Variants in CCNH observed in about 807,000 individuals in gnomAD.
CCNH encodes cyclin H.
Under a neutral mutation model 41.9 loss-of-function variants are expected in CCNH, and 31 were observed. That is an observed-to-expected ratio of 0.74 (90% CI 0.56 to 1.00). The LOEUF is 1.00. Among genes scored for constraint, CCNH ranks in the 50% least tolerant of loss-of-function variants. The pLI is 0.00. For missense variants in CCNH, 362 were observed against 388.4 expected (o/e 0.93, Z 0.57); for synonymous variants, 138 against 136.1 (o/e 1.01, Z -0.10).
In CCNH at chr5:87,412,802, T is replaced by C; in HGVS notation, c.-8A>G. ...ACTACTGTTGTGGTACATTATGGAATCGTGACCAGGTCCAGAGGGTCTGCA... is the reference window on the plus strand; with the variant it reads ...ACTACTGTTGTGGTACATTATGGAACCGTGACCAGGTCCAGAGGGTCTGCA... On this transcript the variant is annotated 5_prime_UTR_variant, in exon 1 of 9. Coordinates refer to ENST00000256897, the MANE Select transcript of CCNH (RefSeq NM_001239.4). 6.2e-7 allele frequency: 1 copy of C among 1,613,758 alleles called. No homozygotes were observed.
intron 9 of CCNH, among the ~76,000 whole-genome samples, chr5:87,324,309 A>C (rs759438183): frequency 6.6e-6 from 1 of 152,080 alleles, no homozygotes; most frequent in Non-Finnish European, 1.5e-5. Context: ...CTCTCTTTCA[A>C]CATTTGATCA....
downstream of CCNH, among the ~76,000 whole-genome samples, chr5:87,390,445 C>T (rs1179180169): frequency 2.6e-5 from 4 of 151,014 alleles, no homozygotes; most frequent in South Asian, 4.2e-4. Context: ...CCGCAGCTTT[C>T]AAAACTAATA....
At chr5:87,348,410 T>A (rs16902631) in intron 9 of CCNH, among the ~76,000 whole-genome samples, 7,075 of 152,066 alleles carry the variant, frequency 0.047, 332 homozygotes, top group African/African-American at 0.12. Context: ...AGAGCATCTA[T>A]GTATTATGAG....
In CCNH at chr5:87,395,366, G is replaced by GA. The variant is rs1256757310; in HGVS notation, c.873-263dup. ...CTAACACTGACCTAGGAAAGAGTGT[G>GA]AAAAAATAGGAGCGAATATAAAAAA... On this transcript the variant is annotated intron_variant, in intron 7 of 8. Coordinates refer to ENST00000256897, the MANE Select transcript of CCNH (RefSeq NM_001239.4). Among the ~76,000 whole-genome samples the GA allele has an allele frequency of 4.0e-5, 6 of 151,682 alleles. No homozygotes were observed. In the East Asian group the frequency reaches 1.2e-3, roughly 30 times the overall value.
chr5:87,331,259 TA>T (rs778638852), intron 9 of CCNH: 137 of 1,351,530 alleles, frequency 1.0e-4, no homozygotes, highest in Non-Finnish European at 1.4e-5. Flanking sequence ...TGTAGGCATT[TA>T]AAACCTCTAG....
At chr5:87,399,198 C>G (rs765252217) in intron 7 of CCNH, among the ~76,000 whole-genome samples, 196 bp downstream of exon 7, 2 of 152,176 alleles carry the variant, frequency 1.3e-5, no homozygotes, top group Non-Finnish European at 2.9e-5. Context: ...ATATGAGTCA[C>G]AGCAGGATCA....
chr5:87,392,824 C>CTT (rs1762614391), downstream of CCNH: 1 of 154,630 alleles, frequency 6.5e-6, no homozygotes, highest in African/African-American at 2.4e-5. Context: ...ATCTCTCACA[C>CTT]TTTAACGTTT....
At chr5:87,349,753 T>A (rs557937676) in intron 9 of CCNH, among the ~76,000 whole-genome samples, 1 of 151,940 alleles carries the variant, frequency 6.6e-6, no homozygotes, top group African/African-American at 2.4e-5. Flanking sequence ...CTGAGACTTA[T>A]TATACAGATG....
rs1217399869 is a variant in CCNH at position 87,394,352 on chromosome 5, T to C, written c.*94A>G. On this transcript the variant is annotated 3_prime_UTR_variant, in exon 9 of 9. Transcript: ENST00000256897. ...AATAGAAAAGTTTTAATATATTTTA[T>C]GTTTTCACATTATACTTTTTAAATA... The C allele has an allele frequency of 2.7e-6, 4 of 1,491,448 alleles. No individual in the cohort carries two copies. The African/African-American group carries it at 4.3e-5, about 16-fold the overall frequency. The allele number at this position is 1,491,448 out of a possible 1,614,324, so 92.4% of individuals were successfully genotyped here.
At chr5:87,391,746 T>A (rs1298222928), downstream of CCNH, 4 of 232,482 alleles carry the variant, frequency 1.7e-5, no homozygotes, top group East Asian at 2.5e-4. Flanking sequence ...CCCCTTTGAT[T>A]ATGCAGACAA....
At chr5:87,337,657 T>G (rs1489417291) in intron 9 of CCNH, among the ~76,000 whole-genome samples, 1 of 152,126 alleles carries the variant, frequency 6.6e-6, no homozygotes, top group Non-Finnish European at 1.5e-5. Context: ...CCCCAAAACC[T>G]TCAATATATG....
Position 87,338,536 on chromosome 5 carries a change from A to ATATATATATATATATTTTTTT in CCNH, c.*91-19640_*91-19639insAAAAAAATATATATATATATA. 7.0e-5 allele frequency among the ~76,000 whole-genome samples: 6 copies of ATATATATATATATATTTTTTT among 85,214 alleles called. No individual in the cohort carries two copies. The East Asian group carries it at 1.5e-3, about 21-fold the overall frequency. 55.9% of individuals were successfully genotyped at this position (85,214 alleles called of 152,430 possible). A position where few individuals can be genotyped will look rare whatever the true frequency, so the allele number is the denominator to read the frequency against. ...ATATATATATATATATATATATAAAATTTTTTTTTTTTTTAAGTAGAAATG... is the reference window on the plus strand; with the variant it reads ...ATATATATATATATATATATATAAAATATATATATATATATTTTTTTTTTTTTTTTTTTTTAAGTAGAAATG... On this transcript the variant is annotated intron_variant and NMD_transcript_variant, in intron 9 of 9. Coordinates refer to the CCNH transcript ENST00000645953.
intron 9 of CCNH, chr5:87,331,439 C>T (rs757065933): frequency 4.3e-6 from 7 of 1,613,814 alleles, no homozygotes; most frequent in East Asian, 4.5e-5. Flanking sequence ...AGAGAGTGAT[C>T]GGAGGCCAGG....
chr5:87,333,043 T>G (rs911850106), intron 9 of CCNH, among the ~76,000 whole-genome samples: 1 of 152,268 alleles, frequency 6.6e-6, no homozygotes, highest in South Asian at 2.1e-4. Context: ...CATATTACGT[T>G]ATAAAAGCAT....
chr5:87,400,866 G>A (rs1561348502), intron 6 of CCNH, among the ~76,000 whole-genome samples: 1 of 152,194 alleles, frequency 6.6e-6, no homozygotes, highest in African/African-American at 2.4e-5. Context: ...GTCAAGAATG[G>A]AGAATGCTGG....
Position 87,411,275 on chromosome 5 carries a change from C to T in CCNH, c.189G>A (p.Arg63=). ...TAAACACCGAACAGAATTCCAATAACCTTTTCTCATAGTATTTGCAGAGTG... is the reference window on the plus strand; with the variant it reads ...TAAACACCGAACAGAATTCCAATAATCTTTTCTCATAGTATTTGCAGAGTG... ...EMTLCKYYEK[R]LLEFCSVFKP... is the part of the protein sequence containing the mutation. The change falls in exon 2 of 9, where the codon AGG becomes AGA. Residue 63 remains arginine (R), a synonymous_variant. Coordinates refer to ENST00000256897, the MANE Select transcript of CCNH (RefSeq NM_001239.4). The T allele has an allele frequency of 6.2e-7, 1 of 1,612,774 alleles. No individual in the cohort carries two copies. The highest frequency in any genetic ancestry group is 8.5e-7 in the Non-Finnish European group (1 of 1,179,418).
chr5:87,338,536 A>ATATATTTTTTTTTTTTTTTTT, intron 9 of CCNH, among the ~76,000 whole-genome samples: 9 of 85,216 alleles, frequency 1.1e-4, no homozygotes, highest in African/African-American at 4.0e-4. Flanking sequence ...TATATATAAA[A>ATATATTTTTTTTTTTTTTTTT]TTTTTTTTTT....
chr5:87,327,124 C>G (rs959126036), intron 9 of CCNH, among the ~76,000 whole-genome samples: 1 of 152,140 alleles, frequency 6.6e-6, no homozygotes, highest in African/African-American at 2.4e-5. Context: ...ATTAGGTATT[C>G]TTCTAAGCAA....
chr5:87,339,914 G>A (rs1219046348), intron 9 of CCNH, among the ~76,000 whole-genome samples: 3 of 151,962 alleles, frequency 2.0e-5, no homozygotes, highest in South Asian at 2.1e-4. Flanking sequence ...AAGATGTTTC[G>A]GGCATTCAGT....
Sources: allele counts gnomAD v4.1 joint callset (sites outside exome capture counted in the v4.1 genomes callset), GRCh38; gene constraint gnomAD v4.1.1; transcripts MANE v1.5; gene names NCBI Gene and HGNC (gene_info 2026-07-23, HGNC 2026-07-21).